The following ADK variants were observed in gnomAD, a reference collection of about 807,000 sequenced individuals.
ADK encodes the protein N6,N6-dimethyladenosine kinase.
Under a neutral mutation model 44.7 loss-of-function variants are expected in ADK, and 24 were observed. That is an observed-to-expected ratio of 0.54 (90% CI 0.39 to 0.76). ADK has a LOEUF of 0.76. ADK is among the 30% of genes least tolerant of loss of function. The pLI is 0.00. For missense variants in ADK, 321 were observed against 425.1 expected (o/e 0.76, Z 2.15); for synonymous variants, 128 against 142.6 (o/e 0.90, Z 0.73).
chr10:74,196,314 G>A (rs1843149762), intron 1 of ADK, among the ~76,000 whole-genome samples: 1 of 151,836 alleles, frequency 6.6e-6, no homozygotes, highest in South Asian at 2.1e-4. Context: ...GGCCAAGGAG[G>A]GCAGATCACG....
At chr10:74,668,086 A>G (rs552545187) in intron 9 of ADK, among the ~76,000 whole-genome samples, 7 of 152,210 alleles carry the variant, frequency 4.6e-5, no homozygotes, top group Non-Finnish European at 8.8e-5. Flanking sequence ...ATGTAAATGT[A>G]TTGTAAATAG....
chr10:74,659,742 G>A (rs1854628548), intron 9 of ADK, among the ~76,000 whole-genome samples: 1 of 152,340 alleles, frequency 6.6e-6, no homozygotes, highest in Non-Finnish European at 1.5e-5. Flanking sequence ...TTCCAGGGCA[G>A]GAAGCATCCA....
At chr10:74,363,494 G>C (rs1754610008) in intron 4 of ADK, among the ~76,000 whole-genome samples, 2 of 152,168 alleles carry the variant, frequency 1.3e-5, no homozygotes, top group Admixed American at 6.5e-5. Flanking sequence ...CTCCCAGCAG[G>C]TCTCTGCATA....
intron 4 of ADK, chr10:74,372,233 T>C: frequency 1.3e-6 from 1 of 761,568 alleles, no homozygotes; most frequent in Non-Finnish European, 2.4e-6. Context: ...CTGCTCCAGC[T>C]CCTGAGTTAA....
At chr10:74,615,024 C>A (rs972189106) in intron 9 of ADK, among the ~76,000 whole-genome samples, 2 of 152,142 alleles carry the variant, frequency 1.3e-5, no homozygotes, top group African/African-American at 2.4e-5. Flanking sequence ...TCATTCTAGC[C>A]TTCATTCTTC....
At chr10:74,217,364 G>C (rs572727764) in intron 2 of ADK, among the ~76,000 whole-genome samples, 1 of 152,346 alleles carries the variant, frequency 6.6e-6, no homozygotes, top group African/African-American at 2.4e-5. Context: ...CAAAGCAGCC[G>C]GGAAGCTCCA....
At chr10:74,188,473 C>T (rs1186478589) in intron 1 of ADK, among the ~76,000 whole-genome samples, 2 of 150,892 alleles carry the variant, frequency 1.3e-5, no homozygotes, top group African/African-American at 2.4e-5. Flanking sequence ...CTCAGCCTCC[C>T]GAGTAGCAGG....
chr10:74,655,659 A>G, intron 9 of ADK: 1 of 450,342 alleles, frequency 2.2e-6, no homozygotes, highest in Non-Finnish European at 4.4e-6. Context: ...GCAGCCAGGA[A>G]GACCCCCGGG....
chr10:74,693,337 T>C (rs895456958), intron 10 of ADK, among the ~76,000 whole-genome samples: 2 of 152,158 alleles, frequency 1.3e-5, no homozygotes, highest in African/African-American at 2.4e-5. Flanking sequence ...AAGTCTAATT[T>C]TTTTAAACCC....
At chr10:74,287,238 G>A (rs1847202109) in intron 3 of ADK, among the ~76,000 whole-genome samples, 1 of 152,138 alleles carries the variant, frequency 6.6e-6, no homozygotes, top group South Asian at 2.1e-4. Flanking sequence ...ACTGAGGCGG[G>A]CAGATCACGT....
chr10:74,300,698 T>G (rs1158427371), intron 3 of ADK, among the ~76,000 whole-genome samples: 2 of 152,156 alleles, frequency 1.3e-5, no homozygotes, highest in Non-Finnish European at 2.9e-5. Context: ...TTCTTAATTT[T>G]GAGGCATACC....
intron 9 of ADK, among the ~76,000 whole-genome samples, chr10:74,643,130 C>T (rs1392103317): frequency 6.6e-6 from 1 of 152,110 alleles, no homozygotes; most frequent in Admixed American, 6.5e-5. Flanking sequence ...GCATGACTCA[C>T]CATGCTTAGC....
chr10:74,551,157 A>T (rs886676953), intron 7 of ADK, among the ~76,000 whole-genome samples: 3 of 152,228 alleles, frequency 2.0e-5, no homozygotes, highest in Non-Finnish European at 1.5e-5. Context: ...AGTTACAGCA[A>T]AGATGCCACT....
At chr10:74,649,777 G>A (rs1854195701) in intron 9 of ADK, among the ~76,000 whole-genome samples, 1 of 152,168 alleles carries the variant, frequency 6.6e-6, no homozygotes, top group African/African-American at 2.4e-5. Flanking sequence ...GATGTCTAGA[G>A]TGACATTCTA....
intron 7 of ADK, among the ~76,000 whole-genome samples, chr10:74,534,841 T>G (rs1451010057): frequency 6.6e-6 from 1 of 152,246 alleles, no homozygotes; most frequent in Non-Finnish European, 1.5e-5. Context: ...GGCTGCTCTC[T>G]GCTATACCAC....
intron 7 of ADK, among the ~76,000 whole-genome samples, chr10:74,555,740 C>T (rs370926526): frequency 4.6e-5 from 7 of 152,088 alleles, no homozygotes; most frequent in African/African-American, 1.7e-4. Flanking sequence ...ATGATCATGT[C>T]TTGGGAGTAT....
intron 3 of ADK, among the ~76,000 whole-genome samples, chr10:74,255,442 C>T (rs879738630): frequency 6.6e-6 from 1 of 152,092 alleles, no homozygotes; most frequent in African/African-American, 2.4e-5. Context: ...TATAATTGCT[C>T]CCTTACCCTG....
chr10:74,456,799 T>C (rs1035822664), intron 6 of ADK, among the ~76,000 whole-genome samples: 5 of 147,972 alleles, frequency 3.4e-5, no homozygotes, highest in African/African-American at 1.0e-4. Flanking sequence ...AAAGACACAA[T>C]ATACCAGAAT....
chr10:74,260,271 G>GTTTTT (rs1264989413), intron 3 of ADK, among the ~76,000 whole-genome samples: 1 of 152,090 alleles, frequency 6.6e-6, no homozygotes, highest in Non-Finnish European at 1.5e-5. Context: ...TTGTTTGTTT[G>GTTTTT]TTTTGCTTTT....
Sources: gnomAD v4.1 joint callset for allele counts (sites outside exome capture counted in the v4.1 genomes callset) on GRCh38, gnomAD v4.1.1 for gene constraint, MANE v1.5 for transcripts, NCBI Gene and HGNC (gene_info 2026-07-23, HGNC 2026-07-21) for gene names.